Variants in EBF3 observed in about 807,000 individuals in gnomAD.
EBF3 encodes EBF transcription factor 3, also known as transcription factor COE3.
A neutral mutation model predicts 77.1 loss-of-function variants in EBF3; 18 were observed. The ratio of observed to expected loss-of-function variants is 0.23; its 90% CI spans 0.16 to 0.35. EBF3 has a LOEUF of 0.35. Ranked by LOEUF, EBF3 falls within the 10% of genes least tolerant of loss-of-function variation. The probability of loss-of-function intolerance (pLI) is 1.00; values close to 1 mark genes in which losing one functional copy is unlikely to be tolerated. For synonymous variants in EBF3, 350 were observed against 343.5 expected (o/e 1.02, Z -0.21); for missense variants, 558 against 860.0 (o/e 0.65, Z 4.39).
At chr10:129,888,532 CG>C (rs1853779265) in intron 6 of EBF3, among the ~76,000 whole-genome samples, 2 of 152,216 alleles carry the variant, frequency 1.3e-5, no homozygotes, top group Admixed American at 6.5e-5. Flanking sequence ...CTGATACCTG[CG>C]CTTTTGTGGA....
intron 6 of EBF3, among the ~76,000 whole-genome samples, 159 bp downstream of exon 6, chr10:129,957,099 C>T (rs1246163148): frequency 6.6e-6 from 1 of 152,164 alleles, no homozygotes; most frequent in Non-Finnish European, 1.5e-5. Flanking sequence ...CCAAGTCAAC[C>T]CACCTGTGCA....
intron 8 of EBF3, among the ~76,000 whole-genome samples, chr10:129,868,592 G>A (rs1252560033): frequency 6.6e-6 from 1 of 152,230 alleles, no homozygotes; most frequent in Non-Finnish European, 1.5e-5. Flanking sequence ...CGGCCGCAGA[G>A]GCAGCCCTGC....
rs1253371551 is a variant in EBF3, at chr10:129,963,784, C to T, written c.-16G>A. On this transcript the variant is annotated 5_prime_UTR_variant, in exon 1 of 17. Transcript: ENST00000440978. The surrounding 1 kb of genome is among the most constrained non-coding windows in gnomAD (Gnocchi z 7.1). ...TCCCAAACATGAAAACTGCTGGCGG[C>T]GGCCGCAGCTCCCGGCCGAAAGCGT... The T allele has an allele frequency of 2.0e-6, 3 of 1,498,646 alleles. No individual in the cohort carries two copies. The highest frequency in any genetic ancestry group is 2.7e-6 in the Non-Finnish European group (3 of 1,113,366). 92.8% of individuals were successfully genotyped at this position (1,498,646 alleles called of 1,614,324 possible). A position where few individuals can be genotyped will look rare whatever the true frequency, so the allele number is the denominator to read the frequency against.
intron 6 of EBF3, among the ~76,000 whole-genome samples, chr10:129,945,664 C>G (rs1452887219): frequency 6.6e-6 from 1 of 152,220 alleles, no homozygotes; most frequent in Admixed American, 6.5e-5. Context: ...TGCGTCCAAT[C>G]TGCGATCAAT....
chr10:129,879,409 G>A lies in EBF3; in HGVS notation c.555-1560C>T, dbSNP rs115875281. On this transcript the variant is annotated intron_variant, in intron 6 of 16. Transcript: ENST00000440978. This position sits in a 1 kb window ranked among gnomAD's most constrained non-coding sequence, Gnocchi z 4.7. ...ATGAAGTTTCACATGATTTTCTTAC[G>A]TTCAAGGTTCCTCGCTGGCAATTAG... Among the ~76,000 whole-genome samples the A allele has an allele frequency of 4.7e-3, 709 of 152,248 alleles. 5 individuals are homozygous for A. The highest frequency in any genetic ancestry group is 0.016 in the African/African-American group (654 of 41,538).
At chr10:129,860,296 C>T (rs117102335) in intron 10 of EBF3, among the ~76,000 whole-genome samples, 3,165 of 151,952 alleles carry the variant, frequency 0.021, 57 homozygotes, top group Non-Finnish European at 0.035. Flanking sequence ...GGGTGAGGAG[C>T]GGGACCAGAG....
At chr10:129,839,518 G>C (rs936485974) in intron 15 of EBF3, among the ~76,000 whole-genome samples, 4 of 152,182 alleles carry the variant, frequency 2.6e-5, no homozygotes, top group African/African-American at 9.7e-5. Context: ...GGACAGCTGT[G>C]CCCTCGGGGC....
In EBF3 at chr10:129,963,033, T is replaced by C. The variant is rs1385033748; in HGVS notation, c.292-28A>G. On this transcript the variant is annotated intron_variant, in intron 2 of 16. Transcript: ENST00000440978. The surrounding 1 kb of genome is among the most constrained non-coding windows in gnomAD (Gnocchi z 7.1). The stretch of plus-strand genomic sequence containing the variant: ...GAAAGTAACGATAAATAATTGCATT[T>C]AGTGCGATCGGTGTCAGGCGCGGCC... 6.2e-7 allele frequency: 1 copy of C among 1,613,860 alleles called. No homozygotes were observed. The highest frequency in any genetic ancestry group is 8.5e-7 in the Non-Finnish European group (1 of 1,179,896).
At chr10:129,847,818 C>T (rs1850582634) in intron 11 of EBF3, among the ~76,000 whole-genome samples, 1 of 152,188 alleles carries the variant, frequency 6.6e-6, no homozygotes, top group Non-Finnish European at 1.5e-5. Flanking sequence ...TGTGCATAAA[C>T]AACGCGGGCA....
chr10:129,948,168 G>A (rs930664920), intron 6 of EBF3, among the ~76,000 whole-genome samples: 12 of 138,812 alleles, frequency 8.6e-5, no homozygotes, highest in Admixed American at 2.5e-4. Context: ...TGAGGCAGAA[G>A]AATCACTTGA....
intron 6 of EBF3, among the ~76,000 whole-genome samples, chr10:129,886,722 C>G (rs1245776553): frequency 6.6e-6 from 1 of 152,108 alleles, no homozygotes; most frequent in Non-Finnish European, 1.5e-5. Flanking sequence ...ACATTCAGAG[C>G]TGACTGGGTT....
chr10:129,930,234 C>A (rs1190448933), intron 6 of EBF3, among the ~76,000 whole-genome samples: 1 of 152,192 alleles, frequency 6.6e-6, no homozygotes, highest in African/African-American at 2.4e-5. Context: ...ACCAGCATCC[C>A]AGGGTCTCCA....
chr10:129,957,200 G>T, intron 6 of EBF3, 58 bp downstream of exon 6: 2 of 1,503,802 alleles, frequency 1.3e-6, no homozygotes, highest in Non-Finnish European at 1.8e-6. Context: ...ACCAAGCAAG[G>T]CAAAACGTTT....
In EBF3 at chr10:129,837,508, T is replaced by C. The variant is rs1372403032; in HGVS notation, c.*435A>G. ...TAGAGATACACAACCATTGTGAATC[T>C]AAGTATGAGTACAGAAAAATGTTTG... On this transcript the variant is annotated 3_prime_UTR_variant, in exon 17 of 17. Coordinates refer to ENST00000440978, the MANE Select transcript of EBF3 (RefSeq NM_001375380.1). 1 of 175,358 alleles carries C rather than the reference T, an allele frequency of 5.7e-6. No individual in the cohort carries two copies. The highest frequency in any genetic ancestry group is 6.0e-5 in the Admixed American group (1 of 16,632). 10.9% of individuals were successfully genotyped at this position (175,358 alleles called of 1,614,324 possible). A position where few individuals can be genotyped will look rare whatever the true frequency, so the allele number is the denominator to read the frequency against.
At chr10:129,853,267 C>T (rs1028142423) in intron 10 of EBF3, among the ~76,000 whole-genome samples, 4 of 152,204 alleles carry the variant, frequency 2.6e-5, no homozygotes, top group African/African-American at 7.2e-5. Flanking sequence ...CCAAGCCCAG[C>T]ACGCAGAGAG....
chr10:129,910,961 T>G (rs961388941), intron 6 of EBF3, among the ~76,000 whole-genome samples: 1 of 152,142 alleles, frequency 6.6e-6, no homozygotes, highest in African/African-American at 2.4e-5. Flanking sequence ...ATGAAACGAT[T>G]TACCCACACA....
At chr10:129,869,027 A>T (rs1852228091) in intron 8 of EBF3, among the ~76,000 whole-genome samples, 1 of 152,236 alleles carries the variant, frequency 6.6e-6, no homozygotes, top group African/African-American at 2.4e-5. Context: ...AGAATGGGCC[A>T]TGTAGGCCTC....
At chr10:129,961,022 C>T (rs919082267) in intron 4 of EBF3, among the ~76,000 whole-genome samples, 1 of 152,180 alleles carries the variant, frequency 6.6e-6, no homozygotes, top group African/African-American at 2.4e-5. Flanking sequence ...CACTGGTTTA[C>T]CACTGCAGGC....
At chr10:129,948,089 T>C (rs1858365455) in intron 6 of EBF3, among the ~76,000 whole-genome samples, 1 of 151,666 alleles carries the variant, frequency 6.6e-6, no homozygotes, top group African/African-American at 2.4e-5. Flanking sequence ...AAACCCCGTC[T>C]CTACTACAAA....
Sources: allele counts gnomAD v4.1 joint callset (sites outside exome capture counted in the v4.1 genomes callset), GRCh38; gene constraint gnomAD v4.1.1; non-coding constraint Gnocchi (gnomAD v3.1); transcripts MANE v1.5; gene names NCBI Gene and HGNC (gene_info 2026-07-23, HGNC 2026-07-21).